The following SLC19A1 variants were observed in gnomAD, a reference collection of about 807,000 sequenced individuals.
SLC19A1 encodes the protein solute carrier family 19 member 1.
A neutral mutation model predicts 35.3 loss-of-function variants in SLC19A1; 37 were observed. That is an observed-to-expected ratio of 1.05 (90% CI 0.81 to 1.38). The LOEUF is 1.38. Among genes scored for constraint, SLC19A1 ranks in the 40% most tolerant of loss-of-function variants. SLC19A1 has a pLI of 0.00. For synonymous variants in SLC19A1, 460 were observed against 398.5 expected (o/e 1.15, Z -1.84); for missense variants, 831 against 826.9 (o/e 1.00, Z -0.06).
Position 45,515,801 on chromosome 21 carries a change from G to C in SLC19A1, c.1633C>G (p.Pro545Ala). 6.2e-7 allele frequency: 1 copy of C among 1,612,600 alleles called. No homozygotes were observed. Among genetic ancestry groups the C allele is most frequent in the Non-Finnish European group, 8.5e-7 (1 of 1,179,156 alleles). Residue 545 changes from proline (P) to alanine (A), a missense_variant, in exon 6 of 6, where the codon CCC (proline) becomes GCC (alanine). Coordinates refer to ENST00000311124, the MANE Select transcript of SLC19A1 (RefSeq NM_194255.4). ...GCTTGGGCGGAGCACAGAGTGCAGG[G>C]GGAAGGGGTTGTCACTGGGCTCAGG... ...EFLSPVTTPS[P>A]CTLCSAQASG...
At position 45,514,265 on chromosome 21, in the gene SLC19A1, C is replaced by CA. The variant is rs1555877873; in HGVS notation, c.*1392_*1393insT. On this transcript the variant is annotated 3_prime_UTR_variant, in exon 6 of 6. Coordinates refer to ENST00000311124, the MANE Select transcript of SLC19A1 (RefSeq NM_194255.4). ...GGAAATGGCTGGTGCAGACCCCCCCCCAAGCAGGGTCCCCAGGGTGGCCAT... is the reference window on the plus strand; with the variant it reads ...GGAAATGGCTGGTGCAGACCCCCCCCACAAGCAGGGTCCCCAGGGTGGCCAT... 6.7e-6 allele frequency: 1 copy of CA among 148,994 alleles called. No individual in the cohort carries two copies. The highest frequency in any genetic ancestry group is 6.6e-5 in the Admixed American group (1 of 15,156). 9.2% of individuals were successfully genotyped at this position (148,994 alleles called of 1,614,324 possible).
In SLC19A1 at chr21:45,515,626, G is replaced by A. The variant is rs57089577; in HGVS notation, c.*32C>T. 5.0e-4 allele frequency: 799 copies of A among 1,611,714 alleles called. 6 individuals carry two copies. The African/African-American group carries it at 9.0e-3, about 18-fold the overall frequency. On this transcript the variant is annotated 3_prime_UTR_variant, in exon 6 of 6. Coordinates refer to ENST00000311124, the MANE Select transcript of SLC19A1 (RefSeq NM_194255.4). ...GGGTCGTGGGGATGCACTGAGGGCC[G>A]CCTGCAAAGTTACCACAGGGGCGCC... is the stretch of plus-strand genomic sequence containing the variant.
In SLC19A1 at chr21:45,533,915, G is replaced by A. The variant is rs1219596985; in HGVS notation, c.190-1767C>T. Among the ~76,000 whole-genome samples, 3 of 152,054 alleles carry A rather than the reference G, an allele frequency of 2.0e-5. No homozygotes were observed. Among genetic ancestry groups the A allele is most frequent in the South Asian group, 2.1e-4 (1 of 4,820 alleles). On this transcript the variant is annotated intron_variant, in intron 2 of 5. Transcript: ENST00000311124. This position sits in a 1 kb window ranked among gnomAD's most constrained non-coding sequence, Gnocchi z 4.5. ...GGCAATAGGACCCTGCAGCCAGGCC[G>A]GCATGCTGAGAAGCTTCCCAGGGGC...
chr21:45,534,855 C>CT lies in SLC19A1; in HGVS notation c.190-2708dup, dbSNP rs2078055417. The CT allele has an allele frequency of 5.3e-6, 3 of 562,914 alleles. No homozygotes were observed. The highest frequency in any genetic ancestry group is 3.8e-5 in the African/African-American group (2 of 52,622). The allele number at this position is 562,914 out of a possible 1,614,324, so 34.9% of individuals were successfully genotyped here. A position where few individuals can be genotyped will look rare whatever the true frequency, so the allele number is the denominator to read the frequency against. On this transcript the variant is annotated intron_variant, in intron 2 of 5. Transcript: ENST00000311124. The surrounding 1 kb of genome is among the most constrained non-coding windows in gnomAD (Gnocchi z 4.2). The stretch of plus-strand genomic sequence containing the variant: ...TGGCATCTGTCAGGCGGCCACGACT[C>CT]TGACACGAGGACAGCCTCCTGCTGC...
rs535793084 is a variant in SLC19A1, at chr21:45,539,332, G to A, written c.-49-1324C>T. On this transcript the variant is annotated intron_variant, in intron 1 of 5. Coordinates refer to ENST00000311124, the MANE Select transcript of SLC19A1 (RefSeq NM_194255.4). ...TGCTCAGGTGGGGTGGGGATGCAGC[G>A]CATGCAGAGGGCAGCTGAGCAGCCT... Among the ~76,000 whole-genome samples the A allele has an allele frequency of 9.8e-5, 15 of 152,346 alleles. No individual in the cohort carries two copies. The South Asian group carries it at 2.9e-3, about 29-fold the overall frequency.
chr21:45,525,714 C>T, intron 5 of SLC19A1, 103 bp downstream of exon 5: 4 of 1,362,166 alleles, frequency 2.9e-6, no homozygotes, highest in Admixed American at 1.9e-5. Flanking sequence ...CCCTGTGCCC[C>T]CAGCCCACAG....
intron 3 of SLC19A1, chr21:45,504,675 G>A: frequency 1.1e-6 from 1 of 871,802 alleles, no homozygotes; most frequent in South Asian, 1.5e-5. Context: ...TGCAAGCTCA[G>A]CAGCCCCGAC....
intron 2 of SLC19A1, among the ~76,000 whole-genome samples, chr21:45,535,625 C>T (rs1374612545): frequency 6.6e-6 from 1 of 152,206 alleles, no homozygotes; most frequent in Non-Finnish European, 1.5e-5. Flanking sequence ...CAGCATTCGC[C>T]CCAGGAGTGA....
At position 45,515,890 on chromosome 21, in the gene SLC19A1, G is replaced by C. The variant is rs758964210; in HGVS notation, c.1544C>G (p.Ser515Cys). 2.6e-6 allele frequency: 4 copies of C among 1,562,772 alleles called. No individual in the cohort carries two copies. The Admixed American group carries it at 7.6e-5, about 30-fold the overall frequency. Residue 515 changes from serine to cysteine, a missense_variant, in exon 6 of 6, where the codon TCC becomes TGC. Physicochemically the swap from Ser to Cys is moderately radical, Grantham distance 112. Transcript: ENST00000311124. ...TGGGTCGCTCTGTCTCTGCTCCAGG[G>C]AGGCTGGCCCCACAGCCCCCAGGCT... ...EDSLGAVGPA[S>C]LEQRQSDPYL...
In SLC19A1 at chr21:45,530,636, AGCTCCAGGTG is replaced by A; in HGVS notation, c.1151+124_1151+133del. 1.1e-6 allele frequency: 1 copy of A among 886,896 alleles called. No homozygotes were observed. The highest frequency in any genetic ancestry group is 1.7e-6 in the Non-Finnish European group (1 of 592,120). 54.9% of individuals were successfully genotyped at this position (886,896 alleles called of 1,614,324 possible). On this transcript the variant is annotated intron_variant, in intron 4 of 5. Transcript: ENST00000311124. This position sits in a 1 kb window ranked among gnomAD's most constrained non-coding sequence, Gnocchi z 5.3. ...GGAGAGGCAAGTGGGGACCCTGGTC[AGCTCCAGGTG>A]GCTGGCGGGGCCAGCAGTGGCACAG... is the stretch of plus-strand genomic sequence containing the variant.
At position 45,514,027 on chromosome 21, in the gene SLC19A1, C is replaced by T. The variant is rs1294905124; in HGVS notation, c.*1631G>A. 1 of 152,384 alleles carries T rather than the reference C, an allele frequency of 6.6e-6. No homozygotes were observed. Among genetic ancestry groups the T allele is most frequent in the African/African-American group, 2.4e-5 (1 of 41,472 alleles). The allele number at this position is 152,384 out of a possible 1,614,324, so 9.4% of individuals were successfully genotyped here. On this transcript the variant is annotated 3_prime_UTR_variant, in exon 6 of 6. Transcript: ENST00000311124. ...CCCAGCAACACTACATCCTGACAGCCATCCCTGTCCTGGTGGACGGGTGAG... is the reference window on the plus strand; with the variant it reads ...CCCAGCAACACTACATCCTGACAGCTATCCCTGTCCTGGTGGACGGGTGAG...
intron 1 of SLC19A1, 47 bp from the exon 2 acceptor site, chr21:45,538,055 G>T: frequency 8.7e-7 from 1 of 1,147,730 alleles, no homozygotes; most frequent in Non-Finnish European, 1.2e-6. Flanking sequence ...TGGTCTGCAG[G>T]CCTCCCTACC....
chr21:45,524,807 C>T (rs961195809), intron 5 of SLC19A1, among the ~76,000 whole-genome samples: 2 of 145,136 alleles, frequency 1.4e-5, no homozygotes, highest in Non-Finnish European at 1.5e-5. Flanking sequence ...GCCTTGGAGG[C>T]TCACCTGCCC....
At chr21:45,504,806 C>T (rs1206947279) in intron 3 of SLC19A1, among the ~76,000 whole-genome samples, 1 of 152,142 alleles carries the variant, frequency 6.6e-6, no homozygotes. Context: ...CCACGTGCAT[C>T]CACCTCTGCT....
At position 45,534,733 on chromosome 21, in the gene SLC19A1, A is replaced by C. The variant is rs2078050929; in HGVS notation, c.190-2585T>G. The stretch of plus-strand genomic sequence containing the variant: ...CTACTCCCTCTTCCTCAGCCTTGGC[A>C]GGCAGACAGCAGGGAGGCTCTGCCC... On this transcript the variant is annotated intron_variant, in intron 2 of 5. Transcript: ENST00000311124. This position sits in a 1 kb window ranked among gnomAD's most constrained non-coding sequence, Gnocchi z 4.2. The C allele has an allele frequency of 2.7e-6, 2 of 753,372 alleles. No homozygotes were observed. Among genetic ancestry groups the C allele is most frequent in the African/African-American group, 3.5e-5 (2 of 57,210 alleles). 46.7% of individuals were successfully genotyped at this position (753,372 alleles called of 1,614,324 possible). A position where few individuals can be genotyped will look rare whatever the true frequency, so the allele number is the denominator to read the frequency against.
intron 1 of SLC19A1, among the ~76,000 whole-genome samples, chr21:45,551,015 T>C (rs2146489775): frequency 6.7e-6 from 1 of 148,812 alleles, no homozygotes; most frequent in Middle Eastern, 3.4e-3. Context: ...CTTCCTCCTC[T>C]ACCTTCCCCC....
rs758668242 is a variant in SLC19A1 at position 45,516,033 on chromosome 21, G to A, written c.1401C>T (p.Pro467=). The change falls in exon 6 of 6, where the codon CCC becomes CCT. Residue 467 remains proline, a synonymous_variant. Coordinates refer to ENST00000311124, the MANE Select transcript of SLC19A1 (RefSeq NM_194255.4). ...CGGCACTCCTCAGGCCCTGGGCCGG[G>A]GGCTGCCGCGGGTGGTGGCCCCGCT... ...HCQRGHHPRQ[P]PAQGLRSAAE... is the part of the protein sequence containing the mutation. The A allele has an allele frequency of 6.3e-7, 1 of 1,579,448 alleles. No homozygotes were observed. Among genetic ancestry groups the A allele is most frequent in the African/African-American group, 1.3e-5 (1 of 74,636 alleles).
At chr21:45,509,145 G>C (rs1363783952), downstream of SLC19A1, among the ~76,000 whole-genome samples, 2 of 152,076 alleles carry the variant, frequency 1.3e-5, no homozygotes, top group African/African-American at 4.8e-5. Context: ...GGCCTGAGCA[G>C]AGGTGACCCG....
rs2037754419 is a variant in SLC19A1, at chr21:45,513,935, C to T, written c.*1723G>A. Reference sequence around the variant, plus strand: ...TCCATAGTGTGCACAGGTACACAGGCATGCACGGGTGTGTGGACACACACC... The same window carrying T: ...TCCATAGTGTGCACAGGTACACAGGTATGCACGGGTGTGTGGACACACACC... On this transcript the variant is annotated 3_prime_UTR_variant, in exon 6 of 6. Transcript: ENST00000311124. 1 of 152,298 alleles carries T rather than the reference C, an allele frequency of 6.6e-6. No homozygotes were observed. Among genetic ancestry groups the T allele is most frequent in the African/African-American group, 2.4e-5 (1 of 41,450 alleles). 9.4% of individuals were successfully genotyped at this position (152,298 alleles called of 1,614,324 possible).
Sources: gnomAD v4.1 joint callset for allele counts (sites outside exome capture counted in the v4.1 genomes callset) on GRCh38, gnomAD v4.1.1 for gene constraint, Gnocchi (gnomAD v3.1) non-coding constraint, MANE v1.5 for transcripts, NCBI Gene and HGNC (gene_info 2026-07-23, HGNC 2026-07-21) for gene names.